Variants in NXPH1 observed in about 807,000 individuals in gnomAD.
The protein encoded by NXPH1 is neurexophilin 1, also known as neurexophilin-1.
In NXPH1, 5 loss-of-function variants were observed where a neutral mutation model predicts 23.7. The ratio of observed to expected loss-of-function variants is 0.21; its 90% CI spans 0.11 to 0.44. The LOEUF (loss-of-function observed/expected upper bound fraction) is 0.44, where lower values mean the gene tolerates loss of function less well. Ranked by LOEUF, NXPH1 falls within the 20% of genes least tolerant of loss-of-function variation. The probability of loss-of-function intolerance (pLI) is 0.99; values close to 1 mark genes in which losing one functional copy is unlikely to be tolerated. For synonymous variants in NXPH1, 144 were observed against 122.2 expected, an observed-to-expected ratio of 1.18 and a Z score of -1.18; for missense variants, 324 against 321.6, an observed-to-expected ratio of 1.01 and a Z score of -0.06.
At chr7:8,729,976 A>G (rs571917170) in intron 2 of NXPH1, among the ~76,000 whole-genome samples, 36 of 151,562 alleles carry the variant, frequency 2.4e-4, no homozygotes, top group Middle Eastern at 3.4e-3. Flanking sequence ...TGGGAGTCTA[A>G]GTCTCTTTGT....
In NXPH1 at chr7:8,751,850, A is replaced by AGATGTGACCT; in HGVS notation, c.*81_*82insGATGTGACCT. ...CTGTTACCTCAAAGAAGAAGGTCAC[A>AGATGTGACCT]TCTGTTGCCTGGAATGTGTCTACAC... On this transcript the variant is annotated 3_prime_UTR_variant, in exon 3 of 3. Coordinates refer to ENST00000405863, the MANE Select transcript of NXPH1 (RefSeq NM_152745.3). The surrounding 1 kb of genome is among the most constrained non-coding windows in gnomAD (Gnocchi z 4.5). The AGATGTGACCT allele has an allele frequency of 7.5e-7, 1 of 1,336,520 alleles. No homozygotes were observed. Among genetic ancestry groups the AGATGTGACCT allele is most frequent in the Non-Finnish European group, 1.0e-6 (1 of 995,518 alleles). The allele number at this position is 1,336,520 out of a possible 1,614,324, so 82.8% of individuals were successfully genotyped here.
chr7:8,543,614 C>A (rs1397288453), intron 2 of NXPH1, among the ~76,000 whole-genome samples: 1 of 151,558 alleles, frequency 6.6e-6, no homozygotes, highest in African/African-American at 2.4e-5. Context: ...TTGCAAATCA[C>A]ACTTTGGAAA....
intron 2 of NXPH1, among the ~76,000 whole-genome samples, chr7:8,628,808 A>G (rs1029704468): frequency 1.3e-5 from 2 of 151,934 alleles, no homozygotes; most frequent in Non-Finnish European, 2.9e-5. Flanking sequence ...TTTGACGCGT[A>G]TGTTTGAACA....
chr7:8,666,668 T>A (rs1469644064), intron 2 of NXPH1, among the ~76,000 whole-genome samples: 2 of 152,084 alleles, frequency 1.3e-5, no homozygotes, highest in Non-Finnish European at 2.9e-5. Context: ...TGGCTTATCT[T>A]TGCTAGAAGA....
intron 2 of NXPH1, among the ~76,000 whole-genome samples, chr7:8,455,971 C>A (rs543216388): frequency 6.6e-6 from 1 of 152,182 alleles, no homozygotes; most frequent in South Asian, 2.1e-4. Flanking sequence ...TACACCTGAT[C>A]CTTGCAAGGT....
intron 2 of NXPH1, among the ~76,000 whole-genome samples, chr7:8,534,228 C>T (rs1467544665): frequency 6.6e-6 from 1 of 151,848 alleles, no homozygotes; most frequent in African/African-American, 2.4e-5. Flanking sequence ...GCCTCAAAGA[C>T]AACAGTTATG....
At chr7:8,489,181 G>A (rs750846904) in intron 2 of NXPH1, among the ~76,000 whole-genome samples, 6 of 152,150 alleles carry the variant, frequency 3.9e-5, no homozygotes, top group East Asian at 1.9e-4. Context: ...CTGTCCCCAC[G>A]TGCTGGGGAA....
intron 2 of NXPH1, among the ~76,000 whole-genome samples, chr7:8,597,120 A>G (rs947023288): frequency 4.6e-5 from 7 of 152,046 alleles, no homozygotes; most frequent in Non-Finnish European, 1.0e-4. Flanking sequence ...ATTTGCTACT[A>G]CAACATGAAT....
At chr7:8,465,539 G>A (rs1386179753) in intron 2 of NXPH1, among the ~76,000 whole-genome samples, 1 of 152,098 alleles carries the variant, frequency 6.6e-6, no homozygotes, top group East Asian at 1.9e-4. Flanking sequence ...CTCATATTGT[G>A]CTATTAGGCT....
intron 2 of NXPH1, among the ~76,000 whole-genome samples, chr7:8,514,762 C>G (rs576844356): frequency 6.6e-6 from 1 of 152,078 alleles, no homozygotes; most frequent in South Asian, 2.1e-4. Context: ...GCATGCTATT[C>G]TTTTTCACCA....
intron 2 of NXPH1, among the ~76,000 whole-genome samples, chr7:8,485,098 A>G (rs2128610358): frequency 6.6e-6 from 1 of 152,276 alleles, no homozygotes; most frequent in South Asian, 2.1e-4. Context: ...TAGAGGAGAC[A>G]TGTCATGGGA....
chr7:8,713,810 A>G (rs1449459224), intron 2 of NXPH1, among the ~76,000 whole-genome samples: 1 of 152,156 alleles, frequency 6.6e-6, no homozygotes, highest in African/African-American at 2.4e-5. Context: ...ATTTCTCCCA[A>G]GCTAATGGAG....
chr7:8,540,658 T>C (rs1162547883), intron 2 of NXPH1, among the ~76,000 whole-genome samples: 1 of 151,624 alleles, frequency 6.6e-6, no homozygotes, highest in Non-Finnish European at 1.5e-5. Context: ...CTGCAGAGAG[T>C]ACCTTTCAAT....
chr7:8,611,787 T>C (rs1021521185), intron 2 of NXPH1, among the ~76,000 whole-genome samples: 6 of 152,126 alleles, frequency 3.9e-5, no homozygotes, highest in Admixed American at 2.6e-4. Flanking sequence ...AGTAGGTGCA[T>C]CTATCCAGCC....
intron 2 of NXPH1, among the ~76,000 whole-genome samples, chr7:8,489,217 C>T (rs1033800236): frequency 6.6e-6 from 1 of 152,064 alleles, no homozygotes; most frequent in Non-Finnish European, 1.5e-5. Flanking sequence ...GGGATGTTCT[C>T]TTCCTTCTTC....
chr7:8,684,128 G>A (rs1821103738), intron 2 of NXPH1, among the ~76,000 whole-genome samples: 1 of 152,166 alleles, frequency 6.6e-6, no homozygotes, highest in Non-Finnish European at 1.5e-5. Flanking sequence ...TGGGAAACAA[G>A]CTGAAAAGAT....
chr7:8,693,201 A>AG (rs904597319), intron 2 of NXPH1, among the ~76,000 whole-genome samples: 11 of 152,314 alleles, frequency 7.2e-5, no homozygotes, highest in Non-Finnish European at 1.5e-4. Context: ...AACAAAAAAA[A>AG]CAAACCTCAG....
At chr7:8,604,425 C>T (rs1013651152) in intron 2 of NXPH1, among the ~76,000 whole-genome samples, 3 of 152,036 alleles carry the variant, frequency 2.0e-5, no homozygotes, top group Admixed American at 6.6e-5. Context: ...AAAATGGTTT[C>T]GCCTGCATTT....
chr7:8,746,443 C>G lies in NXPH1; in HGVS notation c.55-4565C>G, dbSNP rs369770256. Among the ~76,000 whole-genome samples, 15 of 152,268 alleles carry G rather than the reference C, an allele frequency of 9.9e-5. No homozygotes were observed. In the South Asian group the frequency reaches 1.0e-3, roughly 11 times the overall value. On this transcript the variant is annotated intron_variant, in intron 2 of 2. Transcript: ENST00000405863. ...GCCTTTCCCATTATATCACTGAAGG[C>G]AAATAATTCATTGCATTTGGAAGCT...
Sources: gnomAD v4.1 joint callset for allele counts (sites outside exome capture counted in the v4.1 genomes callset) on GRCh38, gnomAD v4.1.1 for gene constraint, Gnocchi (gnomAD v3.1) non-coding constraint, MANE v1.5 for transcripts, NCBI Gene and HGNC (gene_info 2026-07-23, HGNC 2026-07-21) for gene names.